The following GNAL variants were observed in gnomAD, a reference collection of about 807,000 sequenced individuals.
GNAL encodes guanine nucleotide-binding protein G(olf) subunit alpha.
In GNAL, 18 loss-of-function variants were observed where a neutral mutation model predicts 55.1. The observed-to-expected ratio is 0.33, with a 90% CI of 0.23 to 0.48. GNAL has a LOEUF of 0.48. Ranked by LOEUF, GNAL falls within the 20% of genes least tolerant of loss-of-function variation. GNAL has a pLI of 0.99. For missense variants in GNAL, 412 were observed against 614.1 expected (o/e 0.67, Z 3.48); for synonymous variants, 253 against 237.0 (o/e 1.07, Z -0.62).
intron 4 of GNAL, among the ~76,000 whole-genome samples, chr18:11,776,707 C>CAAA (rs33937288): frequency 3.8e-4 from 27 of 71,500 alleles, no homozygotes; most frequent in Non-Finnish European, 4.5e-4. Flanking sequence ...GATCCTGCCT[C>CAAA]AAAAAAAAAA....
chr18:11,851,503 C>G, intron 5 of GNAL: 1 of 1,548,220 alleles, frequency 6.5e-7, no homozygotes, highest in Non-Finnish European at 8.7e-7. Context: ...CCAAAGGAGC[C>G]GTCCGACTAT....
At chr18:11,824,154 C>T (rs1397460532) in intron 4 of GNAL, among the ~76,000 whole-genome samples, 3 of 151,760 alleles carry the variant, frequency 2.0e-5, no homozygotes, top group East Asian at 3.9e-4. Context: ...TTTAATCCAT[C>T]TACTCAACCA....
chr18:11,783,081 G>A (rs191373272), intron 4 of GNAL, among the ~76,000 whole-genome samples: 3 of 152,144 alleles, frequency 2.0e-5, no homozygotes, highest in African/African-American at 7.2e-5. Flanking sequence ...ATTTCACATC[G>A]CATTCTGGCA....
intron 4 of GNAL, among the ~76,000 whole-genome samples, chr18:11,791,856 G>A (rs1174487399): frequency 6.6e-6 from 1 of 152,096 alleles, no homozygotes; most frequent in African/African-American, 2.4e-5. Context: ...ACTCCCGAGG[G>A]TCTGCACCAC....
At chr18:11,712,777 T>C (rs868641976) in intron 1 of GNAL, among the ~76,000 whole-genome samples, 11 of 152,206 alleles carry the variant, frequency 7.2e-5, no homozygotes, top group African/African-American at 2.7e-4. Flanking sequence ...TGGTCAGGTC[T>C]CTCAGAAAAA....
At chr18:11,711,675 T>C (rs552992291) in intron 1 of GNAL, among the ~76,000 whole-genome samples, 1 of 152,376 alleles carries the variant, frequency 6.6e-6, no homozygotes, top group African/African-American at 2.4e-5. Context: ...ATAAGATGAT[T>C]ATTTTTAATT....
At position 11,689,842 on chromosome 18, in the gene GNAL, G is replaced by A. The variant is rs2031179883; in HGVS notation, c.279G>A (p.Glu93=). Reference sequence around the variant, plus strand: ...AGCGCGAGGCGGCCAAGGAGCGCGAGGCGGTCAAGGAGGCGAGGAAAGTGA... The same window carrying A: ...AGCGCGAGGCGGCCAAGGAGCGCGAAGCGGTCAAGGAGGCGAGGAAAGTGA... ...AEEREAAKER[E]AVKEARKVSR... Residue 93 remains glutamate (E), a synonymous_variant, in exon 1 of 12, where the codon GAG becomes GAA. Coordinates refer to ENST00000334049, the MANE Select transcript of GNAL (RefSeq NM_182978.4). 1.3e-6 allele frequency: 2 copies of A among 1,536,648 alleles called. No individual in the cohort carries two copies. The highest frequency in any genetic ancestry group is 1.7e-6 in the Non-Finnish European group (2 of 1,144,894).
Position 11,784,161 on chromosome 18 carries a change from A to G in GNAL, c.624+30216A>G, listed in dbSNP as rs140783089. On this transcript the variant is annotated intron_variant, in intron 4 of 11. Coordinates refer to ENST00000334049, the MANE Select transcript of GNAL (RefSeq NM_182978.4). ...GCAGCTATGCTTCCTCATGGTGGGG[A>G]CCAGCGTACTTGTCTTTGGTCTCCC... Among the ~76,000 whole-genome samples the G allele has an allele frequency of 2.5e-3, 378 of 152,314 alleles. 3 individuals carry two copies. The highest frequency in any genetic ancestry group is 8.8e-3 in the African/African-American group (365 of 41,546).
At position 11,752,172 on chromosome 18, in the gene GNAL, C is replaced by A; in HGVS notation, c.377-681C>A. On this transcript the variant is annotated intron_variant, in intron 1 of 11. Coordinates refer to ENST00000334049, the MANE Select transcript of GNAL (RefSeq NM_182978.4). The surrounding 1 kb of genome is among the most constrained non-coding windows in gnomAD (Gnocchi z 4.5). ...CTCCGTTCATTGTGCTGTATTCATC[C>A]AGCAGATTTTGAAACAATTCTCGTG... The A allele has an allele frequency of 2.2e-6, 1 of 447,786 alleles. No homozygotes were observed. Among genetic ancestry groups the A allele is most frequent in the Non-Finnish European group, 3.6e-6 (1 of 278,178 alleles). 27.7% of individuals were successfully genotyped at this position (447,786 alleles called of 1,614,324 possible).
intron 4 of GNAL, among the ~76,000 whole-genome samples, chr18:11,808,100 T>C (rs1032665017): frequency 1.3e-5 from 2 of 151,644 alleles, no homozygotes; most frequent in African/African-American, 4.8e-5. Context: ...TCCAGGACCA[T>C]GATAAATATT....
intron 1 of GNAL, among the ~76,000 whole-genome samples, chr18:11,744,144 G>A (rs2032638259): frequency 6.6e-6 from 1 of 152,146 alleles, no homozygotes; most frequent in South Asian, 2.1e-4. Context: ...TTGGACAAGG[G>A]GTGAAGTCAG....
intron 5 of GNAL, among the ~76,000 whole-genome samples, chr18:11,836,821 T>A (rs878912136): frequency 6.6e-6 from 1 of 152,210 alleles, no homozygotes; most frequent in East Asian, 1.9e-4. Context: ...ATGACAAAGA[T>A]GAATGAGGCA....
At chr18:11,867,115 G>C in intron 7 of GNAL, 53 bp from the exon 8 acceptor site, 1 of 1,342,674 alleles carries the variant, frequency 7.4e-7, no homozygotes, top group Non-Finnish European at 1.1e-6. Context: ...AAGCACGTTT[G>C]CCATTGTCCC....
intron 4 of GNAL, among the ~76,000 whole-genome samples, chr18:11,763,466 C>T (rs906070179): frequency 1.1e-4 from 17 of 151,806 alleles, no homozygotes; most frequent in Non-Finnish European, 2.1e-4. Flanking sequence ...GGCTGGAGTG[C>T]AGTGGTGCGA....
At chr18:11,772,231 G>A (rs8084246) in intron 4 of GNAL, among the ~76,000 whole-genome samples, 63,366 of 152,126 alleles carry the variant, frequency 0.42, 17,136 homozygotes, top group African/African-American at 0.78. Context: ...GAAAAGAGTT[G>A]TAAGAAATTC....
chr18:11,871,032 T>C (rs1391309989), intron 9 of GNAL, among the ~76,000 whole-genome samples: 1 of 152,186 alleles, frequency 6.6e-6, no homozygotes, highest in Non-Finnish European at 1.5e-5. Context: ...TAAAACACTA[T>C]GATCTCGTTT....
chr18:11,845,775 G>A (rs1330962108), intron 5 of GNAL, among the ~76,000 whole-genome samples: 2 of 123,912 alleles, frequency 1.6e-5, no homozygotes, highest in Admixed American at 1.5e-4. Context: ...AGAAAAGAGA[G>A]AGAGAGAGAG....
chr18:11,773,581 G>A (rs1251754438), intron 4 of GNAL, among the ~76,000 whole-genome samples: 1 of 151,966 alleles, frequency 6.6e-6, no homozygotes, highest in Non-Finnish European at 1.5e-5. Flanking sequence ...GACCAGCCTG[G>A]GCAAAATTAT....
intron 4 of GNAL, among the ~76,000 whole-genome samples, chr18:11,824,506 G>A (rs2143648160): frequency 6.6e-6 from 1 of 151,996 alleles, no homozygotes; most frequent in African/African-American, 2.4e-5. Flanking sequence ...TGGTCAACAT[G>A]GTGAAACCCC....
Sources: gnomAD v4.1 joint callset for allele counts (sites outside exome capture counted in the v4.1 genomes callset) on GRCh38, gnomAD v4.1.1 for gene constraint, Gnocchi (gnomAD v3.1) non-coding constraint, MANE v1.5 for transcripts, NCBI Gene and HGNC (gene_info 2026-07-23, HGNC 2026-07-21) for gene names.